The following XKR9 variants were observed in gnomAD, a reference collection of about 807,000 sequenced individuals.
The protein encoded by XKR9 is XK related 9.
A neutral mutation model predicts 32.0 loss-of-function variants in XKR9; 32 were observed. That is an observed-to-expected ratio of 1.00 (90% CI 0.76 to 1.34). XKR9 has a LOEUF of 1.34. XKR9 is among the 40% of genes most tolerant of loss of function. The probability of loss-of-function intolerance (pLI) is 0.00; values close to 1 mark genes in which losing one functional copy is unlikely to be tolerated. For missense variants in XKR9, 546 were observed against 429.7 expected (o/e 1.27, Z -2.39); for synonymous variants, 168 against 143.4 (o/e 1.17, Z -1.22).
At chr8:70,715,033 T>A (rs975697458) in intron 4 of XKR9, among the ~76,000 whole-genome samples, 1 of 152,224 alleles carries the variant, frequency 6.6e-6, no homozygotes, top group Non-Finnish European at 1.5e-5. Flanking sequence ...AGTGGGAAAT[T>A]GGCAAAAATG....
At chr8:70,876,135 G>A in the XKR9 span, among the ~76,000 whole-genome samples, 2 of 151,236 alleles carry the variant, frequency 1.3e-5, no homozygotes, top group African/African-American at 4.9e-5. Context: ...TGAACTTTTA[G>A]AACTATTTAA....
chr8:70,971,227 C>T, the XKR9 span, among the ~76,000 whole-genome samples: 1 of 152,182 alleles, frequency 6.6e-6, no homozygotes, highest in East Asian at 1.9e-4. Flanking sequence ...TGATGTTGAG[C>T]ATTTTTTCAT....
At chr8:70,771,317 T>C (rs1472657792) in intron 2 of XKR9, among the ~76,000 whole-genome samples, 1 of 152,220 alleles carries the variant, frequency 6.6e-6, no homozygotes, top group Non-Finnish European at 1.5e-5. Context: ...GCCTTCTGCA[T>C]TGGTCTCTGG....
chr8:70,910,322 C>A, the XKR9 span, among the ~76,000 whole-genome samples: 3 of 152,086 alleles, frequency 2.0e-5, no homozygotes, highest in Non-Finnish European at 4.4e-5. Flanking sequence ...GTGGACACTG[C>A]AAGCACTGCA....
intron 3 of XKR9, among the ~76,000 whole-genome samples, chr8:70,692,406 G>GT (rs35834721): frequency 0.33 from 49,987 of 150,408 alleles, 9,297 homozygotes; most frequent in Middle Eastern, 0.43. Flanking sequence ...GATGCCCTTT[G>GT]TTTTTTTTTC....
the XKR9 span, among the ~76,000 whole-genome samples, chr8:70,931,308 G>A: frequency 1.3e-5 from 2 of 152,242 alleles, no homozygotes; most frequent in South Asian, 4.1e-4. Flanking sequence ...AGGTCAGCAT[G>A]GTGTTCTAAG....
At chr8:71,027,017 T>A in the XKR9 span, among the ~76,000 whole-genome samples, 4 of 152,224 alleles carry the variant, frequency 2.6e-5, no homozygotes, top group African/African-American at 9.6e-5. Context: ...GGAAGAGTAG[T>A]TTATTAGCTC....
downstream of XKR9, among the ~76,000 whole-genome samples, chr8:70,792,972 A>C (rs1409454599): frequency 6.6e-6 from 1 of 152,062 alleles, no homozygotes; most frequent in Non-Finnish European, 1.5e-5. Flanking sequence ...AGGCCACCTA[A>C]TTTTTAGAAT....
the XKR9 span, among the ~76,000 whole-genome samples, chr8:71,043,366 G>A: frequency 6.6e-6 from 1 of 152,216 alleles, no homozygotes; most frequent in Non-Finnish European, 1.5e-5. Flanking sequence ...CCAATTCTGA[G>A]TTGAAAGTAG....
chr8:70,960,555 C>T, the XKR9 span, among the ~76,000 whole-genome samples: 9 of 152,082 alleles, frequency 5.9e-5, no homozygotes. Flanking sequence ...ACTGCAGTTG[C>T]TGATAAGGAT....
At chr8:71,001,232 A>G in the XKR9 span, among the ~76,000 whole-genome samples, 5 of 152,256 alleles carry the variant, frequency 3.3e-5, no homozygotes, top group South Asian at 1.0e-3. Context: ...TCGAAGGTCT[A>G]GCTCTGGTAC....
the XKR9 span, among the ~76,000 whole-genome samples, chr8:70,941,355 A>G: frequency 6.6e-6 from 1 of 152,114 alleles, no homozygotes; most frequent in African/African-American, 2.4e-5. Context: ...CCAGGTATAT[A>G]TGCTAAATTT....
chr8:70,690,644 T>C (rs952236225), intron 3 of XKR9, among the ~76,000 whole-genome samples: 4 of 151,966 alleles, frequency 2.6e-5, no homozygotes, highest in Admixed American at 2.0e-4. Flanking sequence ...CCACCGTGCC[T>C]GGCCAGCTCC....
At chr8:70,676,243 C>T (rs1196459320) in intron 2 of XKR9, among the ~76,000 whole-genome samples, 1 of 152,180 alleles carries the variant, frequency 6.6e-6, no homozygotes. Flanking sequence ...ATCGTGAGGA[C>T]AGCACCAAAC....
chr8:70,695,252 G>A (rs1226578234), intron 3 of XKR9, among the ~76,000 whole-genome samples: 3 of 146,774 alleles, frequency 2.0e-5, no homozygotes, highest in Non-Finnish European at 3.0e-5. Flanking sequence ...ATGTATACAT[G>A]TGCCACACTG....
intron 2 of XKR9, among the ~76,000 whole-genome samples, chr8:70,754,130 CAGAG>C (rs201588468): frequency 0.12 from 17,504 of 147,386 alleles, 1,964 homozygotes; most frequent in African/African-American, 0.18. Flanking sequence ...AACAGACAAA[CAGAG>C]AGCCAAATCA....
chr8:71,065,728 T>C, the XKR9 span, among the ~76,000 whole-genome samples: 3 of 152,226 alleles, frequency 2.0e-5, no homozygotes, highest in African/African-American at 7.2e-5. Context: ...TGATCTTGTC[T>C]TGGGCAAGCT....
the XKR9 span, among the ~76,000 whole-genome samples, chr8:70,799,976 A>C: frequency 6.6e-6 from 1 of 152,202 alleles, no homozygotes; most frequent in African/African-American, 2.4e-5. Context: ...TTTCCCATTC[A>C]ATATGATGTT....
At chr8:70,729,566 A>G (rs1563454333) in intron 4 of XKR9, among the ~76,000 whole-genome samples, 1 of 152,166 alleles carries the variant, frequency 6.6e-6, no homozygotes, top group East Asian at 1.9e-4. Context: ...TTTGTAGCTG[A>G]TTAGGAAACC....
Sources: allele counts gnomAD v4.1 joint callset (sites outside exome capture counted in the v4.1 genomes callset), GRCh38; gene constraint gnomAD v4.1.1; transcripts MANE v1.5; gene names NCBI Gene and HGNC (gene_info 2026-07-23, HGNC 2026-07-21).